The following NSD1 variants were observed in gnomAD, a reference collection of about 807,000 sequenced individuals.
NSD1 encodes the protein histone-lysine N-methyltransferase, H3 lysine-36 specific.
In NSD1, 26 loss-of-function variants were observed where a neutral mutation model predicts 242.7. The observed-to-expected ratio is 0.11, with a 90% CI of 0.08 to 0.15. The LOEUF is 0.15. Among genes scored for constraint, NSD1 ranks in the 10% least tolerant of loss-of-function variants. The pLI is 1.00. For missense variants in NSD1, 2,495 were observed against 3,272.8 expected (o/e 0.76, Z 5.80); for synonymous variants, 1,106 against 1,178.1 (o/e 0.94, Z 1.25).
At chr5:177,225,173 G>A (rs546766730) in intron 5 of NSD1, among the ~76,000 whole-genome samples, 2 of 152,194 alleles carry the variant, frequency 1.3e-5, no homozygotes, top group East Asian at 3.9e-4. Context: ...TTGAGACGGA[G>A]TTTCGCCCTC....
At chr5:177,151,992 CTG>C (rs2149778012) in intron 2 of NSD1, among the ~76,000 whole-genome samples, 1 of 152,164 alleles carries the variant, frequency 6.6e-6, no homozygotes, top group South Asian at 2.1e-4. Context: ...TCCCGAGTAA[CTG>C]GGACCACAGG....
At chr5:177,289,163 T>C (rs1435646948) in intron 21 of NSD1, among the ~76,000 whole-genome samples, 5 of 151,740 alleles carry the variant, frequency 3.3e-5, no homozygotes, top group Non-Finnish European at 7.4e-5. Flanking sequence ...CTAATAAGAA[T>C]AGAAAAATTA....
intron 3 of NSD1, among the ~76,000 whole-genome samples, chr5:177,197,175 C>T (rs925615378): frequency 2.0e-5 from 3 of 151,642 alleles, no homozygotes; most frequent in African/African-American, 7.3e-5. Context: ...GAGGCTGAGG[C>T]AGGAGGATTG....
chr5:177,172,125 G>C (rs1200341693), intron 2 of NSD1, among the ~76,000 whole-genome samples: 1 of 152,108 alleles, frequency 6.6e-6, no homozygotes, highest in Non-Finnish European at 1.5e-5. Flanking sequence ...ACTGTTTTGG[G>C]GGAGATACTG....
intron 5 of NSD1, among the ~76,000 whole-genome samples, chr5:177,231,447 G>A (rs763188646): frequency 2.8e-4 from 43 of 152,186 alleles, no homozygotes; most frequent in Non-Finnish European, 3.2e-4. Context: ...AACATGACAA[G>A]GTTATTATTA....
chr5:177,239,900 C>G (rs768689777), intron 8 of NSD1, 35 bp downstream of exon 8: 2 of 1,329,348 alleles, frequency 1.5e-6, no homozygotes, highest in Non-Finnish European at 1.1e-6. Flanking sequence ...AAGAAATAAA[C>G]TCAGGAAATG....
intron 5 of NSD1, among the ~76,000 whole-genome samples, chr5:177,224,311 C>T (rs1167549900): frequency 6.6e-6 from 1 of 152,050 alleles, no homozygotes; most frequent in African/African-American, 2.4e-5. Context: ...GATGACTTTT[C>T]ATCCAATTAG....
At chr5:177,237,369 TTAG>T (rs1039667405) in intron 6 of NSD1, among the ~76,000 whole-genome samples, 1 of 151,974 alleles carries the variant, frequency 6.6e-6, no homozygotes, top group African/African-American at 2.4e-5. Flanking sequence ...AAGGAGTTCA[TTAG>T]TAGTTGTTTT....
chr5:177,170,675 G>C (rs1462643991), intron 2 of NSD1, among the ~76,000 whole-genome samples: 1 of 152,044 alleles, frequency 6.6e-6, no homozygotes, highest in Non-Finnish European at 1.5e-5. Context: ...TATTTTTTTG[G>C]AAAGTGTACG....
Position 177,259,970 on chromosome 5 carries a change from C to G in NSD1, c.4967-19C>G, listed in dbSNP as rs1756858721. 1 of 1,613,566 alleles carries G rather than the reference C, an allele frequency of 6.2e-7. No homozygotes were observed. ...TATTTTTGTTTTTCTTTTGCTTGTC[C>G]CTGATTTTCCTGCTTTAGGTCGGTT... On this transcript the variant is annotated intron_variant, in intron 13 of 22. Transcript: ENST00000439151.
chr5:177,272,016 C>T (rs1382446836), intron 16 of NSD1, among the ~76,000 whole-genome samples: 10 of 152,096 alleles, frequency 6.6e-5, no homozygotes, highest in East Asian at 3.9e-4. Flanking sequence ...CCCAGCTACT[C>T]GGGAGGCTGA....
At chr5:177,197,162 G>A (rs1175904828) in intron 3 of NSD1, among the ~76,000 whole-genome samples, 1 of 151,802 alleles carries the variant, frequency 6.6e-6, no homozygotes, top group Non-Finnish European at 1.5e-5. Flanking sequence ...CCCAGCTACT[G>A]GGGAGGCTGA....
rs886250796 is a variant in NSD1, at chr5:177,247,745, G to C, written c.4498-436G>C. Among the ~76,000 whole-genome samples, 3 of 152,068 alleles carry C rather than the reference G, an allele frequency of 2.0e-5. No individual in the cohort carries two copies. The East Asian group carries it at 5.8e-4, about 29-fold the overall frequency. On this transcript the variant is annotated intron_variant, in intron 10 of 22. Transcript: ENST00000439151. ...CAGTGCAATCATTGATATTATCTTC[G>C]GGTTTCCAACTCAGGTTAAAAGAGA...
chr5:177,138,902 G>C (rs964113857), intron 2 of NSD1, among the ~76,000 whole-genome samples: 1 of 149,964 alleles, frequency 6.7e-6, no homozygotes, highest in African/African-American at 2.4e-5. Context: ...GCCTCCCAAA[G>C]TGCTGGGATT....
intron 3 of NSD1, among the ~76,000 whole-genome samples, chr5:177,199,709 C>T (rs749122899): frequency 6.6e-6 from 1 of 151,900 alleles, no homozygotes; most frequent in Non-Finnish European, 1.5e-5. Context: ...AAGCAATTCT[C>T]CTGCCTCAAC....
At chr5:177,157,482 G>A (rs1015263707) in intron 2 of NSD1, among the ~76,000 whole-genome samples, 1 of 151,816 alleles carries the variant, frequency 6.6e-6, no homozygotes, top group Admixed American at 6.6e-5. Flanking sequence ...CAGATCACTT[G>A]AGGTCAGGGA....
chr5:177,250,849 T>TA (rs1395901186), intron 11 of NSD1, among the ~76,000 whole-genome samples: 1 of 152,214 alleles, frequency 6.6e-6, no homozygotes, highest in Non-Finnish European at 1.5e-5. Context: ...AGCTAAAACT[T>TA]ACTTAGTCAC....
In NSD1 at chr5:177,135,629, G is replaced by C. The variant is rs2149756255; in HGVS notation, c.526G>C (p.Glu176Gln). 4 of 1,614,242 alleles carry C rather than the reference G, an allele frequency of 2.5e-6. No individual in the cohort carries two copies. The highest frequency in any genetic ancestry group is 2.5e-6 in the Non-Finnish European group (3 of 1,180,048). The change falls in exon 2 of 23, where the codon GAG (glutamate) becomes CAG (glutamine). Residue 176 changes from glutamate to glutamine, a missense_variant. By Grantham distance (29) the Glu-to-Gln change is conservative. Coordinates refer to ENST00000439151, the MANE Select transcript of NSD1 (RefSeq NM_022455.5). ...SEMDPEQPVTEDESIEEIFEE... is the reference protein window; with the variant it reads ...SEMDPEQPVTQDESIEEIFEE... ...AATGGACCCAGAACAGCCAGTCACA[G>C]AGGATGAGAGTATAGAGGAGATCTT... is the stretch of plus-strand genomic sequence containing the variant.
chr5:177,188,747 G>C (rs992027602), intron 2 of NSD1, among the ~76,000 whole-genome samples: 9 of 151,762 alleles, frequency 5.9e-5, no homozygotes, highest in African/African-American at 2.2e-4. Flanking sequence ...GCCCAGCCTC[G>C]CCTCCTTATG....
Sources: gnomAD v4.1 joint callset for allele counts (sites outside exome capture counted in the v4.1 genomes callset) on GRCh38, gnomAD v4.1.1 for gene constraint, MANE v1.5 for transcripts, NCBI Gene and HGNC (gene_info 2026-07-23, HGNC 2026-07-21) for gene names.